GRIN2D: variants seen among roughly 807,000 people sequenced by gnomAD.
The protein encoded by GRIN2D is glutamate receptor ionotropic, NMDA 2D.
In GRIN2D, 37 loss-of-function variants were observed where a neutral mutation model predicts 103.2. The observed-to-expected ratio is 0.36, with a 90% confidence interval of 0.28 to 0.47. The LOEUF (loss-of-function observed/expected upper bound fraction) is 0.47. Ranked by LOEUF, GRIN2D falls within the 20% of genes least tolerant of loss-of-function variation. The pLI, the probability that GRIN2D is intolerant of heterozygous loss-of-function variation, is 1.00. For missense variants in GRIN2D, 1,557 were observed against 1,910.6 expected (o/e 0.81, Z 3.45); for synonymous variants, 845 against 885.6 (o/e 0.95, Z 0.81).
chr19:48,411,932 C>A (rs531145295), intron 4 of GRIN2D, among the ~76,000 whole-genome samples: 1 of 151,854 alleles, frequency 6.6e-6, no homozygotes, highest in Non-Finnish European at 1.5e-5. Flanking sequence ...GTGATTCACA[C>A]CTGTAATCCC....
chr19:48,405,489 A>G lies in GRIN2D; in HGVS notation c.1085+136A>G. On this transcript the variant is annotated intron_variant, in intron 4 of 13. Transcript: ENST00000263269. The surrounding 1 kb of genome is among the most constrained non-coding windows in gnomAD (Gnocchi z 5.1). ...TTTTCTTTTCTGTAAAGTGGGTGCA[A>G]TTGGGTCTCTTTTCTGAGGTTAAAT... The G allele has an allele frequency of 1.1e-6, 1 of 877,548 alleles. No individual in the cohort carries two copies. Among genetic ancestry groups the G allele is most frequent in the East Asian group, 2.9e-5 (1 of 34,908 alleles). 54.4% of individuals were successfully genotyped at this position (877,548 alleles called of 1,614,324 possible). A position where few individuals can be genotyped will look rare whatever the true frequency, so the allele number is the denominator to read the frequency against.
At chr19:48,411,881 G>A (rs1168204788) in intron 4 of GRIN2D, among the ~76,000 whole-genome samples, 2 of 151,902 alleles carry the variant, frequency 1.3e-5, no homozygotes, top group African/African-American at 2.4e-5. Flanking sequence ...TTCAGAGGAA[G>A]GCAAAGCCAG....
At chr19:48,411,801 A>AG (rs1970864568) in intron 4 of GRIN2D, among the ~76,000 whole-genome samples, 1 of 151,532 alleles carries the variant, frequency 6.6e-6, no homozygotes. Context: ...GTGTTGATAG[A>AG]GAAAAAAAAA....
At position 48,412,421 on chromosome 19, in the gene GRIN2D, A is replaced by G. The variant is rs1457459944; in HGVS notation, c.1086-1570A>G. On this transcript the variant is annotated intron_variant, in intron 4 of 13. Transcript: ENST00000263269. ...AGAAAAGAAAGAAAGAAAGAGAAAGAAAAGAAAGAAAGAAAGAAAGAAAGA... is the reference window on the plus strand; with the variant it reads ...AGAAAAGAAAGAAAGAAAGAGAAAGGAAAGAAAGAAAGAAAGAAAGAAAGA... Among the ~76,000 whole-genome samples, 20 of 123,436 alleles carry G rather than the reference A, an allele frequency of 1.6e-4. No individual in the cohort carries two copies. The East Asian group carries it at 3.9e-3, about 24-fold the overall frequency. 81.0% of individuals were successfully genotyped at this position (123,436 alleles called of 152,430 possible).
At chr19:48,438,775 T>TTG (rs1971260700) in intron 11 of GRIN2D, among the ~76,000 whole-genome samples, 1 of 151,692 alleles carries the variant, frequency 6.6e-6, no homozygotes, top group South Asian at 2.1e-4. Flanking sequence ...GGAGTAATTT[T>TTG]TGTGTTCATT....
intron 3 of GRIN2D, among the ~76,000 whole-genome samples, chr19:48,402,152 G>T (rs538422813): frequency 7.2e-6 from 1 of 139,748 alleles, no homozygotes; most frequent in Non-Finnish European, 1.6e-5. Flanking sequence ...AAGAAAGAAA[G>T]AAAGAAAGAA....
rs771315513 is a variant in GRIN2D at position 48,414,594 on chromosome 19, C to G, written c.1412+10C>G. 107 of 1,549,414 alleles carry G rather than the reference C, an allele frequency of 6.9e-5. No homozygotes were observed. The highest frequency in any genetic ancestry group is 8.7e-5 in the Non-Finnish European group (100 of 1,146,646). Reference sequence around the variant, plus strand: ...TCAACCGAACCCACAGGTGACAGCTCGGGATCCAGGAGTTCCGGCTCCAAA... The same window carrying G: ...TCAACCGAACCCACAGGTGACAGCTGGGGATCCAGGAGTTCCGGCTCCAAA... On this transcript the variant is annotated intron_variant, in intron 6 of 13. Transcript: ENST00000263269. This position sits in a 1 kb window ranked among gnomAD's most constrained non-coding sequence, Gnocchi z 4.6.
At chr19:48,416,196 A>G in intron 8 of GRIN2D, 41 bp downstream of exon 8, 1 of 1,590,894 alleles carries the variant, frequency 6.3e-7, no homozygotes, top group Non-Finnish European at 8.6e-7. Context: ...CCCTAGGCAA[A>G]GTAGCCGTCC....
At chr19:48,424,427 C>T (rs1012136202) in intron 11 of GRIN2D, among the ~76,000 whole-genome samples, 15 of 151,130 alleles carry the variant, frequency 9.9e-5, no homozygotes, top group African/African-American at 2.9e-4. Context: ...CCCACCACCA[C>T]GCCCAGCTAA....
chr19:48,400,806 C>G (rs1193667701), intron 3 of GRIN2D, among the ~76,000 whole-genome samples: 3 of 152,310 alleles, frequency 2.0e-5, no homozygotes, highest in East Asian at 1.9e-4. Context: ...TGGCTCACAC[C>G]TGTAATCCCA....
chr19:48,425,735 A>C (rs762488650), intron 11 of GRIN2D, among the ~76,000 whole-genome samples: 5 of 152,162 alleles, frequency 3.3e-5, no homozygotes, highest in Non-Finnish European at 7.3e-5. Context: ...TTAATAAGTA[A>C]AAATAGCTGA....
rs573251011 is a variant in GRIN2D, at chr19:48,443,373, C to A, written c.3447C>A (p.Pro1149=). The part of the protein sequence containing the change: ...YPYAERLGPP[P]GRYWSVDKLG... ...ATGCCGAGCGCCTCGGGCCGCCGCC[C>A]GGCCGCTACTGGTCGGTCGACAAGC... The change falls in exon 14 of 14, where the codon CCC becomes CCA. Residue 1149 remains proline (P), a synonymous_variant. Coordinates refer to ENST00000263269, the MANE Select transcript of GRIN2D (RefSeq NM_000836.4). The surrounding 1 kb of genome is among the most constrained non-coding windows in gnomAD (Gnocchi z 8.9). The A allele has an allele frequency of 2.0e-6, 3 of 1,492,504 alleles. No homozygotes were observed. The highest frequency in any genetic ancestry group is 2.7e-6 in the Non-Finnish European group (3 of 1,129,120). 92.5% of individuals were successfully genotyped at this position (1,492,504 alleles called of 1,614,324 possible). A position where few individuals can be genotyped will look rare whatever the true frequency, so the allele number is the denominator to read the frequency against.
Position 48,442,580 on chromosome 19 carries a change from T to C in GRIN2D, c.2674-20T>C. The stretch of plus-strand genomic sequence containing the variant: ...CCTGGGCATCTCGCGCTGACCCCCG[T>C]CCTGTCCCCGGACCCGCAGGGCATG... On this transcript the variant is annotated intron_variant, in intron 13 of 13. Coordinates refer to ENST00000263269, the MANE Select transcript of GRIN2D (RefSeq NM_000836.4). The surrounding 1 kb of genome is among the most constrained non-coding windows in gnomAD (Gnocchi z 7.2). The C allele has an allele frequency of 6.7e-7, 1 of 1,495,018 alleles. No homozygotes were observed. The highest frequency in any genetic ancestry group is 8.9e-7 in the Non-Finnish European group (1 of 1,129,136). 92.6% of individuals were successfully genotyped at this position (1,495,018 alleles called of 1,614,324 possible). A position where few individuals can be genotyped will look rare whatever the true frequency, so the allele number is the denominator to read the frequency against.
chr19:48,418,121 C>T (rs1053950493), intron 8 of GRIN2D, among the ~76,000 whole-genome samples: 7 of 151,242 alleles, frequency 4.6e-5, no homozygotes, highest in African/African-American at 1.5e-4. Context: ...GCAACCTCCA[C>T]CTCCTGGGTT....
chr19:48,442,241 C>T lies in GRIN2D; in HGVS notation c.2532C>T (p.Asn844=), dbSNP rs769205506. 6.2e-7 allele frequency: 1 copy of T among 1,614,192 alleles called. No homozygotes were observed. The highest frequency in any genetic ancestry group is 8.5e-7 in the Non-Finnish European group (1 of 1,180,018). ...TGAGCAGCAAGCTGGACATCGACAA[C>T]ATGGCGGGCGTCTTCTACATGCTCC... is the stretch of plus-strand genomic sequence containing the variant. The part of the protein sequence containing the change: ...EVMSSKLDID[N]MAGVFYMLLV... The change falls in exon 13 of 14, where the codon AAC becomes AAT. Residue 844 remains asparagine, a synonymous_variant. Coordinates refer to ENST00000263269, the MANE Select transcript of GRIN2D (RefSeq NM_000836.4). The surrounding 1 kb of genome is among the most constrained non-coding windows in gnomAD (Gnocchi z 7.2).
At chr19:48,410,759 G>A (rs1324158938) in intron 4 of GRIN2D, among the ~76,000 whole-genome samples, 1 of 152,070 alleles carries the variant, frequency 6.6e-6, no homozygotes, top group Admixed American at 6.6e-5. Context: ...AGGAGGCTGG[G>A]ATGAGGGCCT....
chr19:48,398,148 TTCTCTCTCCCTCTG>T (rs1037123758), intron 2 of GRIN2D, among the ~76,000 whole-genome samples: 13 of 149,298 alleles, frequency 8.7e-5, no homozygotes, highest in Non-Finnish European at 6.0e-5. Flanking sequence ...TCTCCTCCAT[TTCTCTCTCCCTCTG>T]TCTCTCTCCC....
At chr19:48,427,467 C>CTTTTCT (rs1301479004) in intron 11 of GRIN2D, among the ~76,000 whole-genome samples, 19 of 135,660 alleles carry the variant, frequency 1.4e-4, no homozygotes, top group Non-Finnish European at 6.2e-5. Flanking sequence ...CCTATATCTT[C>CTTTTCT]TTTTCTTTTT....
chr19:48,408,965 G>A (rs1970823090), intron 4 of GRIN2D, among the ~76,000 whole-genome samples: 2 of 152,152 alleles, frequency 1.3e-5, no homozygotes, highest in Non-Finnish European at 2.9e-5. Flanking sequence ...GTGTTGCTAT[G>A]ACAGAATATC....
Sources: gnomAD v4.1 joint callset for allele counts (sites outside exome capture counted in the v4.1 genomes callset) on GRCh38, gnomAD v4.1.1 for gene constraint, Gnocchi (gnomAD v3.1) non-coding constraint, MANE v1.5 for transcripts, NCBI Gene and HGNC (gene_info 2026-07-23, HGNC 2026-07-21) for gene names.